The following C12orf56 variants were observed in gnomAD, a reference collection of about 807,000 sequenced individuals.
The protein encoded by C12orf56 is uncharacterized protein C12orf56.
A neutral mutation model predicts 69.9 loss-of-function variants in C12orf56; 71 were observed. That is an observed-to-expected ratio of 1.02 (90% CI 0.84 to 1.24). C12orf56 has a LOEUF of 1.24. C12orf56 is among the 50% of genes most tolerant of loss of function. The probability of loss-of-function intolerance (pLI) is 0.00; values close to 1 mark genes in which losing one functional copy is unlikely to be tolerated. For synonymous variants in C12orf56, 276 were observed against 274.1 expected, an observed-to-expected ratio of 1.01 and a Z score of -0.07; for missense variants, 732 against 738.5, an observed-to-expected ratio of 0.99 and a Z score of 0.10.
intron 1 of C12orf56, among the ~76,000 whole-genome samples, chr12:64,384,553 G>T (rs567601170): frequency 2.4e-4 from 36 of 152,264 alleles, no homozygotes; most frequent in African/African-American, 8.7e-4. Flanking sequence ...GCTGTAAAAG[G>T]TGCATTTGTT....
At chr12:64,304,057 C>T (rs1488646388) in intron 5 of C12orf56, among the ~76,000 whole-genome samples, 1 of 152,122 alleles carries the variant, frequency 6.6e-6, no homozygotes, top group Non-Finnish European at 1.5e-5. Flanking sequence ...TTCTGTCCCT[C>T]TTTCATTTAC....
intron 12 of C12orf56, among the ~76,000 whole-genome samples, chr12:64,268,200 C>G (rs1592404553): frequency 6.6e-6 from 1 of 151,988 alleles, no homozygotes; most frequent in East Asian, 1.9e-4. Flanking sequence ...AAATGGCTAC[C>G]AGTAATGTAA....
At chr12:64,326,863 A>G (rs1349012662) in intron 3 of C12orf56, among the ~76,000 whole-genome samples, 1 of 152,242 alleles carries the variant, frequency 6.6e-6, no homozygotes, top group Non-Finnish European at 1.5e-5. Flanking sequence ...GTCCCCTCCA[A>G]AACTTACATT....
chr12:64,371,593 G>C (rs188854225), intron 1 of C12orf56, among the ~76,000 whole-genome samples: 1 of 152,146 alleles, frequency 6.6e-6, no homozygotes, highest in African/African-American at 2.4e-5. Context: ...CACTTTGGGA[G>C]GCCGAGGCAG....
chr12:64,335,838 G>A (rs1319515180), intron 2 of C12orf56, among the ~76,000 whole-genome samples: 1 of 152,132 alleles, frequency 6.6e-6, no homozygotes, highest in Non-Finnish European at 1.5e-5. Context: ...CGAGTTGATT[G>A]GACCATGGGC....
Position 64,353,056 on chromosome 12 carries a change from T to C in C12orf56, c.253A>G (p.Ile85Val). 1 of 1,609,048 alleles carries C rather than the reference T, an allele frequency of 6.2e-7. No individual in the cohort carries two copies. Residue 85 changes from isoleucine (I) to valine (V), a missense_variant and splice_region_variant, in exon 2 of 13, where the codon ATT becomes GTT. Ile to Val is a conservative substitution (Grantham distance 29, BLOSUM62 3). Transcript: ENST00000543942. ...CTCAAAAATTCCGGGTAATCATCAA[T>C]CTGGAAAAAAAATTAATTCACCTCA... ...ALRDVVAIDLIDDYPEFLSSP... is the reference protein window; with the variant it reads ...ALRDVVAIDLVDDYPEFLSSP...
At chr12:64,360,381 T>G (rs1341791647) in intron 1 of C12orf56, among the ~76,000 whole-genome samples, 1 of 152,102 alleles carries the variant, frequency 6.6e-6, no homozygotes, top group Non-Finnish European at 1.5e-5. Context: ...GCCAAGATCA[T>G]GCCATTGCAC....
chr12:64,365,505 T>C (rs1477114418), intron 1 of C12orf56, among the ~76,000 whole-genome samples: 1 of 151,370 alleles, frequency 6.6e-6, no homozygotes, highest in Non-Finnish European at 1.5e-5. Flanking sequence ...AACCTAAGGC[T>C]CAGAGAACTA....
chr12:64,347,655 A>G (rs2039164724), intron 2 of C12orf56, among the ~76,000 whole-genome samples: 1 of 152,126 alleles, frequency 6.6e-6, no homozygotes, highest in African/African-American at 2.4e-5. Context: ...CTCTAGTTAT[A>G]TATGTGTTGA....
chr12:64,322,520 T>G (rs1357900196), intron 3 of C12orf56, among the ~76,000 whole-genome samples: 1 of 152,182 alleles, frequency 6.6e-6, no homozygotes, highest in Non-Finnish European at 1.5e-5. Flanking sequence ...AACAGTTGCC[T>G]TAAAGTCTTT....
intron 2 of C12orf56, among the ~76,000 whole-genome samples, chr12:64,335,114 C>G (rs569565769): frequency 6.6e-6 from 1 of 152,092 alleles, no homozygotes; most frequent in South Asian, 2.1e-4. Context: ...GTTAATAACC[C>G]AATCCATTGA....
intron 2 of C12orf56, among the ~76,000 whole-genome samples, chr12:64,343,731 T>A (rs2039104396): frequency 6.6e-6 from 1 of 152,236 alleles, no homozygotes; most frequent in African/African-American, 2.4e-5. Context: ...AGAATCACCA[T>A]CCCTGCGTCT....
intron 1 of C12orf56, among the ~76,000 whole-genome samples, chr12:64,371,626 T>C (rs1592497914): frequency 6.6e-6 from 1 of 150,550 alleles, no homozygotes; most frequent in African/African-American, 2.4e-5. Flanking sequence ...AGGTCAGGAG[T>C]TTGAGACCAG....
chr12:64,304,383 T>C (rs2136807014), intron 5 of C12orf56, among the ~76,000 whole-genome samples: 1 of 152,250 alleles, frequency 6.6e-6, no homozygotes, highest in South Asian at 2.1e-4. Flanking sequence ...TTCAAAGTTG[T>C]TTCATGCCAT....
intron 1 of C12orf56, among the ~76,000 whole-genome samples, chr12:64,354,425 C>A (rs966470704): frequency 2.0e-5 from 3 of 152,046 alleles, no homozygotes; most frequent in African/African-American, 7.2e-5. Context: ...ACCACTATAA[C>A]CCACTCTGAG....
Position 64,274,885 on chromosome 12 carries a change from A to T in C12orf56, c.1584+16T>A, listed in dbSNP as rs753894189. ...TAGGCTTGGGGGTGATTTCGTTTTG[A>T]CTTCTAGATACTTACGATGGGAGGA... On this transcript the variant is annotated intron_variant, in intron 11 of 12. Coordinates refer to ENST00000543942, the MANE Select transcript of C12orf56 (RefSeq NM_001170633.2). 1.3e-6 allele frequency: 2 copies of T among 1,585,602 alleles called. No individual in the cohort carries two copies. Among genetic ancestry groups the T allele is most frequent in the South Asian group, 2.2e-5 (2 of 89,968 alleles).
At chr12:64,276,020 G>C (rs929515979) in intron 9 of C12orf56, among the ~76,000 whole-genome samples, 2 of 150,468 alleles carry the variant, frequency 1.3e-5, no homozygotes, top group Non-Finnish European at 2.9e-5. Flanking sequence ...CGCGAGTTGA[G>C]GTGAGAGATT....
intron 3 of C12orf56, among the ~76,000 whole-genome samples, chr12:64,324,261 ATATC>A (rs968939519): frequency 3.3e-5 from 5 of 152,236 alleles, no homozygotes; most frequent in Non-Finnish European, 7.3e-5. Flanking sequence ...GTGCACAAGA[ATATC>A]TAGGTCCCAG....
intron 2 of C12orf56, among the ~76,000 whole-genome samples, chr12:64,351,998 C>A (rs1270922109): frequency 2.0e-5 from 3 of 152,058 alleles, no homozygotes; most frequent in African/African-American, 7.2e-5. Flanking sequence ...GTTAATTTCC[C>A]AAACCTTAAA....
Sources: allele counts gnomAD v4.1 joint callset (sites outside exome capture counted in the v4.1 genomes callset), GRCh38; gene constraint gnomAD v4.1.1; transcripts MANE v1.5; gene names NCBI Gene and HGNC (gene_info 2026-07-23, HGNC 2026-07-21).